NAV2: variants seen among roughly 807,000 people sequenced by gnomAD.
The protein encoded by NAV2 is helicase, APC down-regulated 1.
NAV2 carries 54 observed loss-of-function variants against 223.2 expected under a neutral mutation model. That is an observed-to-expected ratio of 0.24 (90% confidence interval 0.19 to 0.30). The LOEUF is 0.30. Among genes scored for constraint, NAV2 ranks in the 10% least tolerant of loss-of-function variants. NAV2 has a pLI of 1.00. For missense variants in NAV2, 2,806 were observed against 3,147.5 expected, an observed-to-expected ratio of 0.89 and a Z score of 2.60; for synonymous variants, 1,279 against 1,239.3, an observed-to-expected ratio of 1.03 and a Z score of -0.67.
At chr11:19,657,776 G>A (rs991351340) in intron 1 of NAV2, among the ~76,000 whole-genome samples, 1 of 152,166 alleles carries the variant, frequency 6.6e-6, no homozygotes, top group African/African-American at 2.4e-5. Context: ...ATGAAGAAGA[G>A]CTCAGTCTTG....
chr11:19,710,628 T>C (rs1248297375), upstream of NAV2, among the ~76,000 whole-genome samples: 3 of 152,256 alleles, frequency 2.0e-5, no homozygotes, highest in African/African-American at 7.2e-5. Context: ...GACCACACTT[T>C]GAGAACCACT....
intron 1 of NAV2, among the ~76,000 whole-genome samples, chr11:19,730,623 T>A (rs1187536960): frequency 6.6e-6 from 1 of 152,118 alleles, no homozygotes; most frequent in Non-Finnish European, 1.5e-5. Context: ...GCAGCTGGGG[T>A]GGGCTCCGCA....
At chr11:19,531,554 G>A (rs1414216207) in intron 1 of NAV2, among the ~76,000 whole-genome samples, 6 of 152,204 alleles carry the variant, frequency 3.9e-5, no homozygotes, top group Non-Finnish European at 1.5e-5. Context: ...GATTACAAGA[G>A]AAAGAAAGGA....
chr11:19,791,898 A>G (rs927083705), intron 1 of NAV2, among the ~76,000 whole-genome samples: 23 of 152,288 alleles, frequency 1.5e-4, no homozygotes, highest in Middle Eastern at 3.4e-3. Flanking sequence ...TAGAGGGGCT[A>G]TATGGTAGAC....
At chr11:20,027,955 A>T (rs2055276131) in intron 11 of NAV2, among the ~76,000 whole-genome samples, 2 of 152,206 alleles carry the variant, frequency 1.3e-5, no homozygotes, top group South Asian at 2.1e-4. Context: ...TTTTTGCTTC[A>T]TGAGAGATGA....
chr11:19,493,625 G>T (rs2042701666), intron 1 of NAV2, among the ~76,000 whole-genome samples: 1 of 152,156 alleles, frequency 6.6e-6, no homozygotes, highest in Non-Finnish European at 1.5e-5. Context: ...CTGCCAGCTG[G>T]CTGACGAAGT....
intron 1 of NAV2, among the ~76,000 whole-genome samples, chr11:19,714,985 G>T (rs2152325973): frequency 1.3e-5 from 2 of 152,226 alleles, no homozygotes; most frequent in South Asian, 4.2e-4. Flanking sequence ...AGGTGGTTTG[G>T]GGCTGGTGTC....
chr11:19,594,056 G>A (rs2046134442), intron 1 of NAV2, among the ~76,000 whole-genome samples: 1 of 152,138 alleles, frequency 6.6e-6, no homozygotes, highest in Non-Finnish European at 1.5e-5. Context: ...GGCACTGAGA[G>A]GTTAGCACTC....
At chr11:19,379,826 T>G (rs2702703) in intron 1 of NAV2, among the ~76,000 whole-genome samples, 59,072 of 151,956 alleles carry the variant, frequency 0.39, 13,030 homozygotes, top group African/African-American at 0.61. Context: ...GTAATTCTCT[T>G]CTCACCTGCC....
intron 1 of NAV2, among the ~76,000 whole-genome samples, chr11:19,359,108 T>G (rs1487334317): frequency 6.6e-6 from 1 of 152,324 alleles, no homozygotes; most frequent in East Asian, 1.9e-4. Context: ...AAGGGAGAGA[T>G]AGGACTCTCC....
chr11:19,501,208 C>T (rs938995571), intron 1 of NAV2, among the ~76,000 whole-genome samples: 9 of 152,148 alleles, frequency 5.9e-5, no homozygotes, highest in South Asian at 2.1e-4. Context: ...AGATTATGCT[C>T]ACCTGGATAA....
intron 1 of NAV2, among the ~76,000 whole-genome samples, chr11:19,603,631 CA>C (rs1222524445): frequency 0.037 from 2,116 of 57,682 alleles, 29 homozygotes; most frequent in African/African-American, 0.083. Flanking sequence ...GACTCCATCT[CA>C]AAAAAAAAAA....
chr11:20,093,025 C>T, intron 28 of NAV2, 74 bp from the exon 29 acceptor site: 1 of 940,638 alleles, frequency 1.1e-6, no homozygotes, highest in South Asian at 1.4e-5. Flanking sequence ...CTGTGCCAAC[C>T]TGCAGCGGGG....
intron 11 of NAV2, among the ~76,000 whole-genome samples, chr11:20,025,095 C>T (rs2054916251): frequency 1.3e-5 from 2 of 152,146 alleles, no homozygotes; most frequent in South Asian, 4.1e-4. Flanking sequence ...TCAGGCAGAT[C>T]TGTATTCAAA....
intron 3 of NAV2, among the ~76,000 whole-genome samples, chr11:19,861,729 C>T (rs1343931755): frequency 6.6e-6 from 1 of 152,230 alleles, no homozygotes; most frequent in African/African-American, 2.4e-5. Context: ...TTGTGTCCAG[C>T]TTCTAGCTTG....
chr11:19,555,065 T>C (rs1312026640), intron 1 of NAV2, among the ~76,000 whole-genome samples: 1 of 152,098 alleles, frequency 6.6e-6, no homozygotes, highest in East Asian at 1.9e-4. Flanking sequence ...TAATAATTTA[T>C]TCCTTTTCAG....
At chr11:20,078,770 T>A (rs879738014) in intron 24 of NAV2, among the ~76,000 whole-genome samples, 4 of 152,220 alleles carry the variant, frequency 2.6e-5, no homozygotes, top group Non-Finnish European at 5.9e-5. Context: ...GGAAAACATT[T>A]CTAAGTGAAT....
chr11:19,540,604 T>C (rs1418615133), intron 1 of NAV2, among the ~76,000 whole-genome samples: 3 of 152,218 alleles, frequency 2.0e-5, no homozygotes, highest in African/African-American at 7.2e-5. Flanking sequence ...CCAAAGTCCA[T>C]GCTCCAAGTT....
In NAV2 at chr11:20,119,640, TACTA is replaced by T. The variant is rs1398221740; in HGVS notation, c.*1386_*1389del. 7 of 152,638 alleles carry T rather than the reference TACTA, an allele frequency of 4.6e-5. No homozygotes were observed. Among genetic ancestry groups the T allele is most frequent in the Non-Finnish European group, 8.8e-5 (6 of 68,054 alleles). The allele number at this position is 152,638 out of a possible 1,614,324, so 9.5% of individuals were successfully genotyped here. On this transcript the variant is annotated 3_prime_UTR_variant, in exon 38 of 38. Transcript: ENST00000349880. Reference sequence around the variant, plus strand: ...CCAAAGTGATGCCTTACTGGTTTTGTACTAACTGTGTTCATTTTACATAAGTGTC... The same window carrying T: ...CCAAAGTGATGCCTTACTGGTTTTGTACTGTGTTCATTTTACATAAGTGTC...
Sources: gnomAD v4.1 joint callset for allele counts (sites outside exome capture counted in the v4.1 genomes callset) on GRCh38, gnomAD v4.1.1 for gene constraint, MANE v1.5 for transcripts, NCBI Gene and HGNC (gene_info 2026-07-23, HGNC 2026-07-21) for gene names.